The following AKAP6 variants were observed in gnomAD, a reference collection of about 807,000 sequenced individuals.
AKAP6 encodes A-kinase anchoring protein 6.
A neutral mutation model predicts 188.5 loss-of-function variants in AKAP6; 58 were observed. The ratio of observed to expected loss-of-function variants is 0.31; its 90% CI spans 0.25 to 0.38. The LOEUF is 0.38. AKAP6 is among the 10% of genes least tolerant of loss of function. The probability of loss-of-function intolerance (pLI) is 1.00; values close to 1 mark genes in which losing one functional copy is unlikely to be tolerated. For synonymous variants in AKAP6, 989 were observed against 998.6 expected, an observed-to-expected ratio of 0.99 and a Z score of 0.18; for missense variants, 2,710 against 2,740.0, an observed-to-expected ratio of 0.99 and a Z score of 0.24.
At chr14:32,542,586 G>A (rs1304313089) in intron 3 of AKAP6, among the ~76,000 whole-genome samples, 1 of 152,218 alleles carries the variant, frequency 6.6e-6, no homozygotes, top group African/African-American at 2.4e-5. Context: ...GCTGAAATCT[G>A]AGTGATAAGG....
At chr14:32,689,777 A>T (rs776806492) in intron 8 of AKAP6, among the ~76,000 whole-genome samples, 1 of 152,092 alleles carries the variant, frequency 6.6e-6, no homozygotes, top group Non-Finnish European at 1.5e-5. Flanking sequence ...ATCTATTATT[A>T]GTATTTTACT....
intron 2 of AKAP6, among the ~76,000 whole-genome samples, chr14:32,479,753 C>A (rs1879245146): frequency 6.6e-6 from 1 of 151,214 alleles, no homozygotes. Context: ...CTGAGAGAGA[C>A]CCCTTGCCTT....
chr14:32,753,078 G>A (rs1476990628), intron 11 of AKAP6, among the ~76,000 whole-genome samples: 2 of 152,114 alleles, frequency 1.3e-5, no homozygotes, highest in Admixed American at 1.3e-4. Flanking sequence ...AAGTGGTATT[G>A]CTGGATCATG....
intron 4 of AKAP6, among the ~76,000 whole-genome samples, chr14:32,552,836 T>C (rs1371218894): frequency 1.3e-5 from 2 of 152,212 alleles, no homozygotes; most frequent in East Asian, 1.9e-4. Flanking sequence ...AGGGAGGGTA[T>C]GTGGAACTCA....
At chr14:32,646,220 A>C (rs1475483589) in intron 7 of AKAP6, among the ~76,000 whole-genome samples, 1 of 152,146 alleles carries the variant, frequency 6.6e-6, no homozygotes, top group Non-Finnish European at 1.5e-5. Flanking sequence ...ACTAAAGGTC[A>C]GTTGTGTATC....
chr14:32,751,480 G>T (rs1309514840), intron 11 of AKAP6, among the ~76,000 whole-genome samples: 1 of 144,444 alleles, frequency 6.9e-6, no homozygotes, highest in African/African-American at 2.5e-5. Flanking sequence ...TGTAGGACTA[G>T]GTATCTGTCT....
At chr14:32,693,749 A>G (rs1465818112) in intron 8 of AKAP6, 1 of 152,178 alleles carries the variant, frequency 6.6e-6, no homozygotes, top group Non-Finnish European at 1.5e-5. Context: ...CTTTGCTTTA[A>G]TAATCCCTTG....
At chr14:32,698,650 C>T (rs1890504252) in intron 9 of AKAP6, among the ~76,000 whole-genome samples, 1 of 152,160 alleles carries the variant, frequency 6.6e-6, no homozygotes, top group African/African-American at 2.4e-5. Context: ...ACAGCATTTC[C>T]CAGTCCATCT....
chr14:32,820,412 C>A (rs1470083647), intron 12 of AKAP6, among the ~76,000 whole-genome samples: 2 of 152,032 alleles, frequency 1.3e-5, no homozygotes, highest in Non-Finnish European at 2.9e-5. Context: ...ATATGTCAAG[C>A]TCTATCTAAA....
At chr14:32,380,812 AC>A in intron 1 of AKAP6, among the ~76,000 whole-genome samples, 1 of 152,296 alleles carries the variant, frequency 6.6e-6, no homozygotes, top group South Asian at 2.1e-4. Flanking sequence ...ATAGAGAGCA[AC>A]CATCTGCTTT....
chr14:32,607,544 C>T (rs1176399388), intron 7 of AKAP6, among the ~76,000 whole-genome samples: 1 of 152,152 alleles, frequency 6.6e-6, no homozygotes, highest in Non-Finnish European at 1.5e-5. Context: ...TGCACTCTGC[C>T]CAGTGCCAGG....
chr14:32,807,005 G>C (rs544802114), intron 12 of AKAP6, among the ~76,000 whole-genome samples: 78 of 152,108 alleles, frequency 5.1e-4, no homozygotes, highest in African/African-American at 1.7e-3. Context: ...CGTGAGCCAT[G>C]ATGGCCCCAC....
At chr14:32,611,916 A>G (rs1886365969) in intron 7 of AKAP6, among the ~76,000 whole-genome samples, 1 of 152,164 alleles carries the variant, frequency 6.6e-6, no homozygotes, top group Non-Finnish European at 1.5e-5. Context: ...TTTTCAGGAA[A>G]GGAGGATACA....
intron 7 of AKAP6, among the ~76,000 whole-genome samples, chr14:32,604,878 T>C (rs919529729): frequency 6.6e-6 from 1 of 152,196 alleles, no homozygotes; most frequent in Non-Finnish European, 1.5e-5. Context: ...GTTACATAGG[T>C]AAACATGTGC....
chr14:32,497,998 T>C (rs1419289717), intron 2 of AKAP6, among the ~76,000 whole-genome samples: 1 of 152,144 alleles, frequency 6.6e-6, no homozygotes, highest in Non-Finnish European at 1.5e-5. Context: ...GGAGTTTCAA[T>C]CTAAGGTATT....
chr14:32,720,882 G>C (rs2030496588), intron 9 of AKAP6, among the ~76,000 whole-genome samples: 1 of 152,122 alleles, frequency 6.6e-6, no homozygotes, highest in African/African-American at 2.4e-5. Flanking sequence ...AAATTATGTA[G>C]TAGTGCCAAA....
At chr14:32,547,822 C>T (rs1883265968) in intron 4 of AKAP6, among the ~76,000 whole-genome samples, 1 of 144,652 alleles carries the variant, frequency 6.9e-6, no homozygotes, top group Non-Finnish European at 1.5e-5. Context: ...CCAACCTGGG[C>T]AACAGAGTGA....
At chr14:32,415,637 T>G (rs980258597) in intron 1 of AKAP6, among the ~76,000 whole-genome samples, 1 of 152,164 alleles carries the variant, frequency 6.6e-6, no homozygotes, top group Non-Finnish European at 1.5e-5. Context: ...TCTTCATGGC[T>G]TGTTTCATCT....
At chr14:32,667,867 A>T (rs1209762367) in intron 7 of AKAP6, among the ~76,000 whole-genome samples, 1 of 152,130 alleles carries the variant, frequency 6.6e-6, no homozygotes. Flanking sequence ...ATTTTATAGA[A>T]TTTCAGAGGA....
Sources: allele counts gnomAD v4.1 joint callset (sites outside exome capture counted in the v4.1 genomes callset), GRCh38; gene constraint gnomAD v4.1.1; transcripts MANE v1.5; gene names NCBI Gene and HGNC (gene_info 2026-07-23, HGNC 2026-07-21).